KAZN: variants seen among roughly 807,000 people sequenced by gnomAD.
KAZN encodes the protein kazrin, periplakin interacting protein.
A neutral mutation model predicts 87.4 loss-of-function variants in KAZN; 40 were observed. The observed-to-expected ratio is 0.46, with a 90% confidence interval of 0.36 to 0.60. The LOEUF is 0.60. KAZN is among the 20% of genes least tolerant of loss of function. KAZN has a pLI of 0.00. For missense variants in KAZN, 898 were observed against 1,073.9 expected (o/e 0.84, Z 2.29); for synonymous variants, 466 against 458.3 (o/e 1.02, Z -0.22).
At chr1:14,302,050 G>T (rs1571258439) in intron 2 of KAZN, among the ~76,000 whole-genome samples, 1 of 152,308 alleles carries the variant, frequency 6.6e-6, no homozygotes, top group South Asian at 2.1e-4. Context: ...TGCAAGATCT[G>T]GCACTTGGAT....
intron 1 of KAZN, among the ~76,000 whole-genome samples, chr1:14,027,927 G>A (rs2101307459): frequency 6.6e-6 from 1 of 152,316 alleles, no homozygotes; most frequent in Middle Eastern, 3.4e-3. Flanking sequence ...GGGCATGCCA[G>A]TGGGTTTATC....
At chr1:14,855,835 A>G (rs1362163948) in intron 1 of KAZN, among the ~76,000 whole-genome samples, 2 of 152,248 alleles carry the variant, frequency 1.3e-5, no homozygotes, top group African/African-American at 2.4e-5. Context: ...CAACCGCGCT[A>G]AGCCATCAGC....
At chr1:14,849,846 T>C (rs1375196826) in intron 1 of KAZN, among the ~76,000 whole-genome samples, 2 of 151,538 alleles carry the variant, frequency 1.3e-5, no homozygotes, top group African/African-American at 4.9e-5. Context: ...TACTCACGGC[T>C]CCCCCAGATA....
chr1:14,033,960 C>A (rs1641434032), intron 1 of KAZN, among the ~76,000 whole-genome samples: 1 of 152,196 alleles, frequency 6.6e-6, no homozygotes, highest in Non-Finnish European at 1.5e-5. Flanking sequence ...AGCAGACTGG[C>A]ACATCTTCCA....
chr1:14,910,481 C>G (rs928995285), intron 1 of KAZN, among the ~76,000 whole-genome samples: 9 of 152,198 alleles, frequency 5.9e-5, no homozygotes, highest in South Asian at 2.1e-4. Context: ...TGTGCACCCA[C>G]TAGATGCCAG....
chr1:14,222,272 C>T (rs894343414), intron 2 of KAZN, among the ~76,000 whole-genome samples: 21 of 152,250 alleles, frequency 1.4e-4, no homozygotes, highest in South Asian at 1.0e-3. Context: ...CAGCTGGTCA[C>T]GGCCATGCCC....
chr1:14,226,509 T>C (rs1647303816), intron 2 of KAZN, among the ~76,000 whole-genome samples: 1 of 152,178 alleles, frequency 6.6e-6, no homozygotes, highest in Non-Finnish European at 1.5e-5. Flanking sequence ...CTCAGAGAAC[T>C]TAAAATAGAA....
chr1:14,723,766 A>G (rs769098422), intron 1 of KAZN, among the ~76,000 whole-genome samples: 4 of 152,100 alleles, frequency 2.6e-5, no homozygotes, highest in East Asian at 1.9e-4. Flanking sequence ...CCCAAAAGCT[A>G]GTTTTCCTGG....
At chr1:14,268,471 T>TA (rs70997129) in intron 2 of KAZN, among the ~76,000 whole-genome samples, 6,568 of 140,608 alleles carry the variant, frequency 0.047, 175 homozygotes, top group Middle Eastern at 0.077. Context: ...GACACTGTGT[T>TA]AAAAAAAAAA....
intron 1 of KAZN, among the ~76,000 whole-genome samples, chr1:14,131,225 C>T (rs1373432315): frequency 1.3e-5 from 2 of 152,162 alleles, no homozygotes; most frequent in African/African-American, 2.4e-5. Flanking sequence ...ATTTAATTAC[C>T]TCCCACTGTG....
chr1:15,022,505 CTCTG>C lies in KAZN; in HGVS notation c.419-12238_419-12235del, dbSNP rs1418990983. ...GTAGGGCCAGGCTGAGAGTCCAGGCCTCTGTCTGTAGAGCCTGGTCCCTCAGCCA... is the reference window on the plus strand; with the variant it reads ...GTAGGGCCAGGCTGAGAGTCCAGGCCTCTGTAGAGCCTGGTCCCTCAGCCA... On this transcript the variant is annotated intron_variant, in intron 2 of 14. Coordinates refer to ENST00000376030, the MANE Select transcript of KAZN (RefSeq NM_201628.3). Among the ~76,000 whole-genome samples the C allele has an allele frequency of 3.3e-5, 5 of 152,224 alleles. No homozygotes were observed. In the East Asian group the frequency reaches 7.7e-4, roughly 23 times the overall value.
intron 2 of KAZN, among the ~76,000 whole-genome samples, chr1:14,262,849 A>C (rs1391179319): frequency 1.3e-5 from 2 of 152,218 alleles, no homozygotes; most frequent in Admixed American, 6.5e-5. Flanking sequence ...TGTAGCTAGA[A>C]CTGAGAATAG....
chr1:14,940,531 G>A (rs77053413), intron 1 of KAZN, among the ~76,000 whole-genome samples: 5 of 152,240 alleles, frequency 3.3e-5, no homozygotes, highest in African/African-American at 1.2e-4. Context: ...GAGTAGAATG[G>A]GTTGGGTGGT....
At chr1:14,180,636 C>CT (rs766957052) in intron 2 of KAZN, 10 of 1,501,994 alleles carry the variant, frequency 6.7e-6, no homozygotes, top group East Asian at 2.5e-5. Flanking sequence ...AAGGTGGAAT[C>CT]TTTTTTTCTT....
At chr1:14,399,740 C>G (rs1663224439) in intron 2 of KAZN, among the ~76,000 whole-genome samples, 1 of 152,128 alleles carries the variant, frequency 6.6e-6, no homozygotes, top group South Asian at 2.1e-4. Context: ...AGATCAAAAC[C>G]CCTACCTGTG....
chr1:13,903,409 T>C (rs1248773233), intron 1 of KAZN, among the ~76,000 whole-genome samples: 1 of 152,208 alleles, frequency 6.6e-6, no homozygotes, highest in Non-Finnish European at 1.5e-5. Flanking sequence ...TCCTCTTTAG[T>C]GCCTGCATTT....
At chr1:14,771,356 G>A (rs1354326139) in intron 1 of KAZN, among the ~76,000 whole-genome samples, 2 of 152,156 alleles carry the variant, frequency 1.3e-5, no homozygotes, top group Non-Finnish European at 2.9e-5. Flanking sequence ...AGAGAAAGAA[G>A]GAATGGCTAA....
intron 1 of KAZN, among the ~76,000 whole-genome samples, chr1:14,864,455 G>A (rs537755770): frequency 7.9e-5 from 12 of 152,246 alleles, no homozygotes; most frequent in South Asian, 4.1e-4. Flanking sequence ...CCAGCTACTC[G>A]GGAGGCTGAG....
At chr1:14,730,727 C>T (rs1227343133) in intron 1 of KAZN, among the ~76,000 whole-genome samples, 1 of 152,184 alleles carries the variant, frequency 6.6e-6, no homozygotes. Context: ...CATGCAAGTG[C>T]CCCAATCTGT....
Sources: allele counts gnomAD v4.1 joint callset (sites outside exome capture counted in the v4.1 genomes callset), GRCh38; gene constraint gnomAD v4.1.1; transcripts MANE v1.5; gene names NCBI Gene and HGNC (gene_info 2026-07-23, HGNC 2026-07-21).